Variants in PAK3 observed in about 807,000 individuals in gnomAD.
PAK3 encodes serine/threonine-protein kinase PAK 3.
Under a neutral mutation model 41.0 loss-of-function variants are expected in PAK3, and 4 were observed. The ratio of observed to expected loss-of-function variants is 0.10; its 90% confidence interval spans 0.05 to 0.22. The LOEUF is 0.22. Ranked by LOEUF, PAK3 falls within the 10% of genes least tolerant of loss-of-function variation. The pLI is 1.00. For synonymous variants in PAK3, 146 were observed against 139.6 expected, an observed-to-expected ratio of 1.05 and a Z score of -0.32; for missense variants, 205 against 409.9, an observed-to-expected ratio of 0.50 and a Z score of 4.32.
At chrX:111,039,658 G>T (rs1350770379) in intron 1 of PAK3, among the ~76,000 whole-genome samples, 1 of 111,654 alleles carries the variant, frequency 9.0e-6, no homozygotes, top group Non-Finnish European at 1.9e-5. Flanking sequence ...GGCAGTGAAA[G>T]AACTAGGGCA....
chrX:111,144,395 A>G (rs186974327), intron 6 of PAK3, among the ~76,000 whole-genome samples: 90 of 112,157 alleles, frequency 8.0e-4, no homozygotes, highest in Middle Eastern at 4.6e-3. Context: ...TAAAGATGCC[A>G]AATTCTGCCC....
chrX:111,185,086 G>A (rs1421185281), intron 11 of PAK3, among the ~76,000 whole-genome samples: 1 of 111,699 alleles, frequency 9.0e-6, no homozygotes, highest in Non-Finnish European at 1.9e-5. Context: ...TTTAATGATC[G>A]CCATTCTAAC....
intron 16 of PAK3, among the ~76,000 whole-genome samples, chrX:111,216,203 T>C (rs1201752280): frequency 8.9e-6 from 1 of 111,734 alleles, no homozygotes; most frequent in Non-Finnish European, 1.9e-5. Flanking sequence ...TATTTTTAAG[T>C]TTTTGGAGGT....
At chrX:111,118,500 G>T (rs1035283223) in intron 4 of PAK3, among the ~76,000 whole-genome samples, 5 of 110,342 alleles carry the variant, frequency 4.5e-5, no homozygotes, top group African/African-American at 1.3e-4. Context: ...AATTCACCTT[G>T]GAAATTTCTC....
chrX:110,991,593 G>C (rs936726278), intron 1 of PAK3, among the ~76,000 whole-genome samples: 2 of 112,147 alleles, frequency 1.8e-5, no homozygotes, highest in African/African-American at 3.2e-5. Context: ...GCATTCAATA[G>C]ATGTTAGCTG....
intron 1 of PAK3, among the ~76,000 whole-genome samples, chrX:111,073,146 C>T (rs1267323108): frequency 9.0e-6 from 1 of 111,183 alleles, no homozygotes; most frequent in Non-Finnish European, 1.9e-5. Flanking sequence ...GAGGGGCTAC[C>T]ACTATCTTTC....
intron 8 of PAK3, among the ~76,000 whole-genome samples, chrX:111,157,648 G>A (rs778387373): frequency 1.8e-5 from 2 of 110,515 alleles, no homozygotes; most frequent in Non-Finnish European, 3.8e-5. Context: ...TTAGCTGGGC[G>A]TGGTGGCACA....
intron 4 of PAK3, among the ~76,000 whole-genome samples, chrX:111,106,948 T>C: frequency 8.9e-6 from 1 of 112,075 alleles, no homozygotes; most frequent in African/African-American, 3.2e-5. Context: ...ACATACTTTT[T>C]CTTTTTTCAG....
chrX:111,192,636 T>C lies in PAK3; in HGVS notation c.992+18T>C, dbSNP rs745375750. 2 of 733,767 alleles carry C rather than the reference T, an allele frequency of 2.7e-6. No individual in the cohort carries two copies. The highest frequency in any genetic ancestry group is 4.3e-6 in the Non-Finnish European group (2 of 462,612). The allele number at this position is 733,767 out of a possible 1,213,427, so 60.5% of individuals were successfully genotyped here. A position where few individuals can be genotyped will look rare whatever the true frequency, so the allele number is the denominator to read the frequency against. On this transcript the variant is annotated intron_variant, in intron 13 of 17. Transcript: ENST00000372007. ...TTAGATAGGTAAGTGTTTTGTCTTA[T>C]TATGTACTTATATTCTTTGTGGGAT...
intron 1 of PAK3, among the ~76,000 whole-genome samples, chrX:110,951,073 T>A (rs1346421398): frequency 8.9e-6 from 1 of 112,289 alleles, no homozygotes; most frequent in Non-Finnish European, 1.9e-5. Flanking sequence ...TGTGTTTTTT[T>A]GGCCATCTGT....
At chrX:111,205,291 C>T (rs2094733360) in intron 16 of PAK3, among the ~76,000 whole-genome samples, 2 of 110,430 alleles carry the variant, frequency 1.8e-5, no homozygotes, top group Non-Finnish European at 3.8e-5. Flanking sequence ...TTTTTAATTC[C>T]TTTTCTGTCT....
At chrX:111,145,157 G>A (rs2093926900) in intron 6 of PAK3, among the ~76,000 whole-genome samples, 1 of 111,912 alleles carries the variant, frequency 8.9e-6, no homozygotes, top group Admixed American at 9.5e-5. Flanking sequence ...TAATGAGATG[G>A]CTTTATGACT....
intron 6 of PAK3, chrX:111,144,920 A>T: frequency 9.7e-7 from 1 of 1,033,550 alleles, no homozygotes; most frequent in South Asian, 2.0e-5. Flanking sequence ...AGAGGGAAAA[A>T]TGGTATGAGT....
At chrX:111,154,986 T>C (rs775310108) in intron 8 of PAK3, among the ~76,000 whole-genome samples, 55 of 111,864 alleles carry the variant, frequency 4.9e-4, no homozygotes, top group Non-Finnish European at 8.8e-4. Context: ...TTGAGATTGG[T>C]TCTATTGGTT....
intron 17 of PAK3, among the ~76,000 whole-genome samples, chrX:111,219,970 C>T (rs1176542713): frequency 8.9e-6 from 1 of 111,959 alleles, no homozygotes; most frequent in African/African-American, 3.2e-5. Context: ...GGTAGAGGCA[C>T]AGCCGTTGGG....
chrX:111,210,985 G>A (rs908401566), intron 16 of PAK3, among the ~76,000 whole-genome samples: 3 of 111,775 alleles, frequency 2.7e-5, no homozygotes, highest in Non-Finnish European at 5.6e-5. Context: ...AGGAGAGATG[G>A]AGAAGACTTC....
At chrX:110,998,415 C>G (rs192888411) in intron 1 of PAK3, among the ~76,000 whole-genome samples, 1 of 112,211 alleles carries the variant, frequency 8.9e-6, no homozygotes, top group Non-Finnish European at 1.9e-5. Flanking sequence ...AAGATGAGAA[C>G]TGAGAATTGG....
intron 9 of PAK3, 48 bp downstream of exon 9, chrX:111,163,094 G>T (rs1361067295): frequency 2.7e-6 from 3 of 1,117,120 alleles, no homozygotes; most frequent in African/African-American, 3.6e-5. Context: ...ATGCCCTTTG[G>T]AATAGTCATA....
At chrX:111,002,901 C>T (rs1467249032) in intron 1 of PAK3, among the ~76,000 whole-genome samples, 1 of 111,747 alleles carries the variant, frequency 8.9e-6, no homozygotes, top group Non-Finnish European at 1.9e-5. Flanking sequence ...CAGTGGTTCT[C>T]AGTGTAGCCC....
Sources: gnomAD v4.1 joint callset for allele counts (sites outside exome capture counted in the v4.1 genomes callset) on GRCh38, gnomAD v4.1.1 for gene constraint, MANE v1.5 for transcripts, NCBI Gene and HGNC (gene_info 2026-07-23, HGNC 2026-07-21) for gene names.